CLEC16A: variants seen among roughly 807,000 people sequenced by gnomAD.
CLEC16A encodes protein CLEC16A.
In CLEC16A, 51 loss-of-function variants were observed where a neutral mutation model predicts 109.5. That is an observed-to-expected ratio of 0.47 (90% CI 0.37 to 0.59). CLEC16A has a LOEUF of 0.59. CLEC16A is among the 20% of genes least tolerant of loss of function. CLEC16A has a pLI of 0.00. For missense variants in CLEC16A, 1,339 were observed against 1,394.0 expected, an observed-to-expected ratio of 0.96 and a Z score of 0.63; for synonymous variants, 673 against 564.2, an observed-to-expected ratio of 1.19 and a Z score of -2.73.
chr16:10,979,524 G>C, intron 9 of CLEC16A, 142 bp downstream of exon 9: 2 of 701,786 alleles, frequency 2.8e-6, no homozygotes, highest in Non-Finnish European at 4.9e-6. Context: ...AAACAGAAGG[G>C]GCTTTCTGTT....
intron 22 of CLEC16A, among the ~76,000 whole-genome samples, chr16:11,145,302 G>A (rs950284840): frequency 4.6e-5 from 7 of 152,256 alleles, no homozygotes; most frequent in South Asian, 2.1e-4. Flanking sequence ...CGTGGGGCCC[G>A]ATGACCCACA....
intron 22 of CLEC16A, among the ~76,000 whole-genome samples, chr16:11,129,462 G>A (rs2053047142): frequency 6.6e-6 from 1 of 152,196 alleles, no homozygotes; most frequent in South Asian, 2.1e-4. Context: ...GTGATAGCAT[G>A]CATTCTGTGG....
intron 22 of CLEC16A, among the ~76,000 whole-genome samples, chr16:11,133,305 C>T (rs1220498058): frequency 6.6e-6 from 1 of 151,206 alleles, no homozygotes; most frequent in Non-Finnish European, 1.5e-5. Context: ...TGCCATTGCA[C>T]TCTAGCCTGG....
At chr16:11,020,116 C>A in intron 11 of CLEC16A, 77 bp from the exon 12 acceptor site, 1 of 1,489,310 alleles carries the variant, frequency 6.7e-7, no homozygotes, top group African/African-American at 1.4e-5. Context: ...CATATTTATT[C>A]TCCAACATGA....
intron 22 of CLEC16A, among the ~76,000 whole-genome samples, chr16:11,152,473 G>T (rs2054329328): frequency 6.6e-6 from 1 of 152,228 alleles, no homozygotes; most frequent in South Asian, 2.1e-4. Context: ...AGGAATGACG[G>T]GGGGCCCAAG....
At chr16:10,974,518 CTGCTAGA>C (rs1040604197) in intron 7 of CLEC16A, among the ~76,000 whole-genome samples, 3 of 152,156 alleles carry the variant, frequency 2.0e-5, no homozygotes, top group Admixed American at 1.3e-4. Flanking sequence ...GCCTCTCTAC[CTGCTAGA>C]TGCCAGTAGC....
At chr16:11,171,139 C>A (rs953859423) in intron 23 of CLEC16A, among the ~76,000 whole-genome samples, 1 of 152,228 alleles carries the variant, frequency 6.6e-6, no homozygotes. Context: ...GAGGAACATT[C>A]CCCATGCCCA....
chr16:11,170,302 T>TG (rs2068452105), intron 23 of CLEC16A, among the ~76,000 whole-genome samples: 1 of 152,112 alleles, frequency 6.6e-6, no homozygotes, highest in African/African-American at 2.4e-5. Flanking sequence ...TGTGAACCCC[T>TG]GGGGGAGGAA....
intron 19 of CLEC16A, among the ~76,000 whole-genome samples, chr16:11,076,719 C>T (rs2049395675): frequency 6.6e-6 from 1 of 152,164 alleles, no homozygotes; most frequent in African/African-American, 2.4e-5. Flanking sequence ...AGGTGTAAGT[C>T]AGGAGAAGGC....
chr16:11,155,641 C>T (rs79365857), intron 22 of CLEC16A, among the ~76,000 whole-genome samples: 9 of 152,252 alleles, frequency 5.9e-5, no homozygotes, highest in Non-Finnish European at 1.0e-4. Context: ...ATCTGACTCA[C>T]ATAGTTCCAG....
chr16:10,944,768 C>T lies in CLEC16A; in HGVS notation c.51C>T (p.Ser17=), dbSNP rs753295724. ...SWVGGGHGKT[S]RNIHSLDHLK... ...TGGGCGGGGGCCATGGCAAGACTTC[C>T]CGCAACATCCACTCCTTGGACCACC... Residue 17 remains serine (S), a synonymous_variant, in exon 1 of 24, where the codon TCC becomes TCT. Coordinates refer to ENST00000409790, the MANE Select transcript of CLEC16A (RefSeq NM_015226.3). 3.9e-5 allele frequency: 63 copies of T among 1,609,646 alleles called. No homozygotes were observed. The highest frequency in any genetic ancestry group is 4.9e-5 in the Non-Finnish European group (58 of 1,178,860).
chr16:11,037,674 C>T (rs943103879), intron 13 of CLEC16A, among the ~76,000 whole-genome samples: 2 of 152,128 alleles, frequency 1.3e-5, no homozygotes, highest in African/African-American at 2.4e-5. Flanking sequence ...CTAGAAGGAG[C>T]GAGCAGCCAG....
rs202076758 is a variant in CLEC16A at position 11,181,607 on chromosome 16, T to C, written c.*2917T>C. 6.6e-6 allele frequency: 1 copy of C among 152,210 alleles called. No homozygotes were observed. Among genetic ancestry groups the C allele is most frequent in the Non-Finnish European group, 1.5e-5 (1 of 68,052 alleles). The allele number at this position is 152,210 out of a possible 1,614,324, so 9.4% of individuals were successfully genotyped here. On this transcript the variant is annotated 3_prime_UTR_variant, in exon 24 of 24. Coordinates refer to ENST00000409790, the MANE Select transcript of CLEC16A (RefSeq NM_015226.3). ...AAGGTACCTGTCCCAGCAGGTCAGATGGGGCCAGCTGAGGCGCTCCCCCAG... is the reference window on the plus strand; with the variant it reads ...AAGGTACCTGTCCCAGCAGGTCAGACGGGGCCAGCTGAGGCGCTCCCCCAG...
intron 23 of CLEC16A, among the ~76,000 whole-genome samples, chr16:11,167,721 C>A (rs1001071896): frequency 2.0e-5 from 3 of 152,208 alleles, no homozygotes; most frequent in Non-Finnish European, 4.4e-5. Flanking sequence ...CCACAGCCAC[C>A]TCACTGAGAG....
intron 19 of CLEC16A, among the ~76,000 whole-genome samples, chr16:11,099,745 C>T (rs1431041486): frequency 2.0e-5 from 3 of 152,194 alleles, no homozygotes; most frequent in African/African-American, 7.2e-5. Flanking sequence ...CACCCAGGTG[C>T]GAGGACGGGG....
At chr16:11,138,029 G>A (rs1202524317) in intron 22 of CLEC16A, among the ~76,000 whole-genome samples, 3 of 152,170 alleles carry the variant, frequency 2.0e-5, no homozygotes, top group Non-Finnish European at 2.9e-5. Context: ...GGCAGCTCCT[G>A]GGGGCCAGGG....
chr16:11,154,189 C>T (rs1006133805), intron 22 of CLEC16A, among the ~76,000 whole-genome samples: 1 of 152,212 alleles, frequency 6.6e-6, no homozygotes, highest in Non-Finnish European at 1.5e-5. Flanking sequence ...CGTCCCCATC[C>T]TCCATGAATT....
In CLEC16A at chr16:11,178,229, C is replaced by T; in HGVS notation, c.2807-106C>T. On this transcript the variant is annotated intron_variant, in intron 23 of 23. Coordinates refer to ENST00000409790, the MANE Select transcript of CLEC16A (RefSeq NM_015226.3). This position sits in a 1 kb window ranked among gnomAD's most constrained non-coding sequence, Gnocchi z 6.5. Reference sequence around the variant, plus strand: ...GAGCCCTCACGCCAGCCAGCCACCTCCCACCTAGCTCACCAGGGCCGCGGT... The same window carrying T: ...GAGCCCTCACGCCAGCCAGCCACCTTCCACCTAGCTCACCAGGGCCGCGGT... 1 of 1,005,460 alleles carries T rather than the reference C, an allele frequency of 9.9e-7. No homozygotes were observed. 62.3% of individuals were successfully genotyped at this position (1,005,460 alleles called of 1,614,324 possible).
intron 19 of CLEC16A, among the ~76,000 whole-genome samples, chr16:11,105,766 G>C (rs1040839725): frequency 6.6e-6 from 1 of 152,188 alleles, no homozygotes; most frequent in Non-Finnish European, 1.5e-5. Context: ...CTCCTGGGCC[G>C]TGTACCAGTC....
Sources: gnomAD v4.1 joint callset for allele counts (sites outside exome capture counted in the v4.1 genomes callset) on GRCh38, gnomAD v4.1.1 for gene constraint, Gnocchi (gnomAD v3.1) non-coding constraint, MANE v1.5 for transcripts, NCBI Gene and HGNC (gene_info 2026-07-23, HGNC 2026-07-21) for gene names.